Variants in KIAA1217 observed in about 807,000 individuals in gnomAD.
KIAA1217 encodes KIAA1217.
Under a neutral mutation model 163.9 loss-of-function variants are expected in KIAA1217, and 88 were observed. The observed-to-expected ratio is 0.54, with a 90% CI of 0.45 to 0.64. The LOEUF (loss-of-function observed/expected upper bound fraction) is 0.64. KIAA1217 is among the 30% of genes least tolerant of loss of function. KIAA1217 has a pLI of 0.00. For missense variants in KIAA1217, 2,372 were observed against 2,475.0 expected, an observed-to-expected ratio of 0.96 and a Z score of 0.88; for synonymous variants, 903 against 923.1, an observed-to-expected ratio of 0.98 and a Z score of 0.39.
chr10:24,408,419 G>T (rs1331810563), intron 3 of KIAA1217, among the ~76,000 whole-genome samples: 2 of 152,092 alleles, frequency 1.3e-5, no homozygotes, highest in Non-Finnish European at 2.9e-5. Context: ...CCACCTAACT[G>T]GTTCCCCTCT....
At chr10:24,203,138 G>C (rs1014227165) in intron 2 of KIAA1217, among the ~76,000 whole-genome samples, 1 of 148,794 alleles carries the variant, frequency 6.7e-6, no homozygotes, top group Non-Finnish European at 1.5e-5. Context: ...AGTGAGCTGT[G>C]ATCATACCAC....
intron 2 of KIAA1217, chr10:24,158,225 G>A (rs538870205): frequency 7.4e-4 from 543 of 731,648 alleles, no homozygotes; most frequent in Non-Finnish European, 1.3e-3. Flanking sequence ...CCTGGAACAG[G>A]GCAAAGTACG....
chr10:24,172,742 C>A (rs1811307876), intron 2 of KIAA1217, among the ~76,000 whole-genome samples: 1 of 152,202 alleles, frequency 6.6e-6, no homozygotes, highest in Non-Finnish European at 1.5e-5. Flanking sequence ...TCACAGTTCC[C>A]TACCTGTGCA....
At chr10:24,229,770 C>T (rs2071113670) in intron 2 of KIAA1217, among the ~76,000 whole-genome samples, 1 of 152,132 alleles carries the variant, frequency 6.6e-6, no homozygotes. Flanking sequence ...ACCTGCCTCC[C>T]AAAGTGCTGG....
chr10:24,439,263 G>C (rs1466248418), intron 5 of KIAA1217, among the ~76,000 whole-genome samples: 1 of 151,978 alleles, frequency 6.6e-6, no homozygotes, highest in African/African-American at 2.4e-5. Context: ...CTTCTCAGCT[G>C]TACACCCCCT....
chr10:24,185,156 C>T (rs2066363139), intron 2 of KIAA1217, among the ~76,000 whole-genome samples: 1 of 152,120 alleles, frequency 6.6e-6, no homozygotes, highest in Non-Finnish European at 1.5e-5. Context: ...AGAGGGAACT[C>T]TCAGAATCAC....
intron 2 of KIAA1217, among the ~76,000 whole-genome samples, chr10:24,126,297 T>C (rs2063470771): frequency 6.6e-6 from 1 of 152,200 alleles, no homozygotes; most frequent in Admixed American, 6.5e-5. Context: ...AACAGCTGTT[T>C]CACCTATCCA....
At chr10:24,148,065 A>T (rs1433853502) in intron 2 of KIAA1217, among the ~76,000 whole-genome samples, 4 of 152,046 alleles carry the variant, frequency 2.6e-5, no homozygotes, top group Admixed American at 2.6e-4. Context: ...AAGAGGCAAA[A>T]GGTTTTTTCT....
intron 2 of KIAA1217, among the ~76,000 whole-genome samples, chr10:24,263,661 C>T (rs1406236462): frequency 2.0e-5 from 3 of 152,124 alleles, no homozygotes; most frequent in Non-Finnish European, 2.9e-5. Flanking sequence ...AGGTGTGAGG[C>T]GCTGTTTCCT....
intron 1 of KIAA1217, among the ~76,000 whole-genome samples, chr10:23,934,583 A>ATATATATATATATG (rs1226321775): frequency 1.9e-4 from 12 of 64,072 alleles, no homozygotes; most frequent in Non-Finnish European, 2.8e-4. Flanking sequence ...ATATATATAT[A>ATATATATATATATG]TATATATGTA....
chr10:24,479,280 C>T lies in KIAA1217; in HGVS notation c.1679+5220C>T, dbSNP rs138961244. On this transcript the variant is annotated intron_variant, in intron 6 of 20. Transcript: ENST00000376454. Reference sequence around the variant, plus strand: ...GTAACTTTTAGGGGTGAGATGGATCCTTGGTTAAACAGTTGATCAAATGAA... The same window carrying T: ...GTAACTTTTAGGGGTGAGATGGATCTTTGGTTAAACAGTTGATCAAATGAA... Among the ~76,000 whole-genome samples, 124 of 152,220 alleles carry T rather than the reference C, an allele frequency of 8.1e-4. 1 individual carries two copies. The highest frequency in any genetic ancestry group is 2.9e-3 in the African/African-American group (120 of 41,540).
At chr10:23,740,395 G>A (rs1031702025) in intron 1 of KIAA1217, among the ~76,000 whole-genome samples, 2 of 152,154 alleles carry the variant, frequency 1.3e-5, no homozygotes, top group South Asian at 2.1e-4. Flanking sequence ...AGGGCACTGT[G>A]TTGCCCAGGC....
At chr10:24,331,780 T>C (rs977463638) in intron 2 of KIAA1217, among the ~76,000 whole-genome samples, 4 of 152,166 alleles carry the variant, frequency 2.6e-5, no homozygotes, top group Non-Finnish European at 5.9e-5. Flanking sequence ...TCGTTTCTAT[T>C]AGGTAGAGGA....
chr10:24,319,685 G>A (rs1328046486), intron 2 of KIAA1217, among the ~76,000 whole-genome samples: 1 of 152,168 alleles, frequency 6.6e-6, no homozygotes, highest in Non-Finnish European at 1.5e-5. Context: ...AAGCCTTGAA[G>A]ACCACCCCAG....
chr10:23,966,799 G>T (rs532905724), intron 1 of KIAA1217, among the ~76,000 whole-genome samples: 58 of 152,260 alleles, frequency 3.8e-4, no homozygotes, highest in African/African-American at 1.3e-3. Flanking sequence ...ACTATGAAGG[G>T]ACTATGTGAT....
chr10:24,227,723 G>A (rs988089555), intron 2 of KIAA1217, among the ~76,000 whole-genome samples: 7 of 151,624 alleles, frequency 4.6e-5, no homozygotes, highest in African/African-American at 9.7e-5. Flanking sequence ...TAGTAGAGAC[G>A]GGGTTTCACC....
intron 2 of KIAA1217, among the ~76,000 whole-genome samples, chr10:24,371,612 T>C (rs1298898368): frequency 2.0e-5 from 3 of 152,224 alleles, no homozygotes; most frequent in African/African-American, 7.2e-5. Context: ...AAATATTGCA[T>C]GGCATGAAAA....
At chr10:24,216,118 T>C (rs903565412) in intron 1 of KIAA1217, among the ~76,000 whole-genome samples, 14 of 152,316 alleles carry the variant, frequency 9.2e-5, no homozygotes, top group Middle Eastern at 3.4e-3. Flanking sequence ...AGGGGTCTGA[T>C]GAGTCTAGTC....
intron 2 of KIAA1217, among the ~76,000 whole-genome samples, chr10:24,178,756 A>G (rs1434011320): frequency 6.6e-6 from 1 of 152,136 alleles, no homozygotes; most frequent in Non-Finnish European, 1.5e-5. Flanking sequence ...TATGACATAC[A>G]TTTCACCTTT....
Sources: gnomAD v4.1 joint callset for allele counts (sites outside exome capture counted in the v4.1 genomes callset) on GRCh38, gnomAD v4.1.1 for gene constraint, MANE v1.5 for transcripts, NCBI Gene and HGNC (gene_info 2026-07-23, HGNC 2026-07-21) for gene names.